GATA4: variants seen among roughly 807,000 people sequenced by gnomAD.
GATA4 encodes GATA binding protein 4.
Under a neutral mutation model 37.9 loss-of-function variants are expected in GATA4, and 7 were observed. That is an observed-to-expected ratio of 0.18 (90% CI 0.11 to 0.35). GATA4 has a LOEUF of 0.35. Ranked by LOEUF, GATA4 falls within the 10% of genes least tolerant of loss-of-function variation. The probability of loss-of-function intolerance (pLI) is 1.00; values close to 1 mark genes in which losing one functional copy is unlikely to be tolerated. For synonymous variants in GATA4, 372 were observed against 292.6 expected (o/e 1.27, Z -2.77); for missense variants, 647 against 653.0 (o/e 0.99, Z 0.10).
At chr8:11,690,177 C>T (rs149945887), upstream of GATA4, among the ~76,000 whole-genome samples, 200 of 152,318 alleles carry the variant, frequency 1.3e-3, 3 homozygotes, top group Middle Eastern at 0.017. Context: ...AGAGGTGCCA[C>T]GTGGCATCTT....
chr8:11,714,610 G>T (rs1009346014), intron 2 of GATA4, among the ~76,000 whole-genome samples: 8 of 152,174 alleles, frequency 5.3e-5, no homozygotes, highest in African/African-American at 9.7e-5. Flanking sequence ...AATAAGAAAG[G>T]TGTGTTGGGG....
chr8:11,688,822 C>T (rs923172481), upstream of GATA4, among the ~76,000 whole-genome samples: 2 of 152,134 alleles, frequency 1.3e-5, no homozygotes, highest in Non-Finnish European at 2.9e-5. Context: ...ACCTAATCCC[C>T]AAATCCCCTG....
chr8:11,695,967 A>C (rs957689983), intron 1 of GATA4, among the ~76,000 whole-genome samples: 1 of 152,196 alleles, frequency 6.6e-6, no homozygotes, highest in Non-Finnish European at 1.5e-5. Flanking sequence ...TTTTGTATAG[A>C]AATCACTTTT....
At position 11,708,681 on chromosome 8, in the gene GATA4, T is replaced by C. The variant is rs1208332756; in HGVS notation, c.369T>C (p.Ala123=). 1.6e-5 allele frequency: 21 copies of C among 1,280,134 alleles called. No homozygotes were observed. Among genetic ancestry groups the C allele is most frequent in the Non-Finnish European group, 2.1e-5 (21 of 1,017,788 alleles). 79.3% of individuals were successfully genotyped at this position (1,280,134 alleles called of 1,614,324 possible). A position where few individuals can be genotyped will look rare whatever the true frequency, so the allele number is the denominator to read the frequency against. The part of the protein sequence containing the change: ...TTGSLAAAAA[A]AAAREAAAYS... The stretch of plus-strand genomic sequence containing the variant: ...GGTCCCTGGCGGCCGCCGCCGCCGC[T>C]GCCGCGGCCCGGGAAGCTGCGGCCT... The change falls in exon 2 of 7, where the codon GCT becomes GCC. Residue 123 remains alanine (A), a synonymous_variant. Transcript: ENST00000532059. The surrounding 1 kb of genome is among the most constrained non-coding windows in gnomAD (Gnocchi z 6.7).
intron 2 of GATA4, among the ~76,000 whole-genome samples, chr8:11,737,128 T>G (rs1467394902): frequency 6.6e-6 from 1 of 151,474 alleles, no homozygotes; most frequent in African/African-American, 2.5e-5. Context: ...AACCTCGGTT[T>G]GATTAAGTAA....
chr8:11,677,258 C>T (rs563021594), intron 1 of GATA4, among the ~76,000 whole-genome samples: 2 of 152,168 alleles, frequency 1.3e-5, no homozygotes, highest in Admixed American at 6.5e-5. Flanking sequence ...GAGGCCTTTG[C>T]GGACAGGAAG....
rs1554488918 is a variant in GATA4 at position 11,709,580 on chromosome 8, G to GGGGGCGGT, written c.616+656_616+657insCGGTGGGG. Among the ~76,000 whole-genome samples, 1 of 151,954 alleles carries GGGGGCGGT rather than the reference G, an allele frequency of 6.6e-6. No homozygotes were observed. The highest frequency in any genetic ancestry group is 1.5e-5 in the Non-Finnish European group (1 of 67,886). On this transcript the variant is annotated intron_variant, in intron 2 of 6. Transcript: ENST00000532059. The surrounding 1 kb of genome is among the most constrained non-coding windows in gnomAD (Gnocchi z 4.3). ...TGGGCGCATCATGCGGGCAGCGGGGGGGGGGGCGCACACGCCCGGTCAGTG... is the reference window on the plus strand; with the variant it reads ...TGGGCGCATCATGCGGGCAGCGGGGGGGGGCGGTGGGGGGCGCACACGCCCGGTCAGTG...
Position 11,758,508 on chromosome 8 carries a change from G to C in GATA4, c.*33G>C, listed in dbSNP as rs755856540. The C allele has an allele frequency of 2.5e-6, 4 of 1,610,638 alleles. No individual in the cohort carries two copies. In the East Asian group the frequency reaches 6.7e-5, roughly 27 times the overall value. ...TCTTCCCTCCTCAAATTCCTGCACG[G>C]ACCTGGGACTTGGAGGATAGCAAAG... On this transcript the variant is annotated 3_prime_UTR_variant, in exon 7 of 7. Coordinates refer to ENST00000532059, the MANE Select transcript of GATA4 (RefSeq NM_001308093.3).
At chr8:11,755,228 G>A in intron 5 of GATA4, 95 bp downstream of exon 5, 2 of 983,734 alleles carry the variant, frequency 2.0e-6, no homozygotes, top group Non-Finnish European at 3.2e-6. Flanking sequence ...GCCAGCCCGG[G>A]CCGCCAGGGG....
intron 2 of GATA4, among the ~76,000 whole-genome samples, chr8:11,740,714 G>A (rs1280973326): frequency 6.6e-6 from 1 of 151,378 alleles, no homozygotes; most frequent in African/African-American, 2.4e-5. Context: ...TTTCAGTATT[G>A]CCTTCTTTTC....
At chr8:11,746,445 A>T (rs1338384865) in intron 2 of GATA4, among the ~76,000 whole-genome samples, 1 of 152,132 alleles carries the variant, frequency 6.6e-6, no homozygotes, top group African/African-American at 2.4e-5. Flanking sequence ...TGATCTTACA[A>T]GGCCTCTATG....
At chr8:11,732,121 C>T (rs1002894444) in intron 2 of GATA4, among the ~76,000 whole-genome samples, 3 of 152,346 alleles carry the variant, frequency 2.0e-5, no homozygotes, top group Admixed American at 6.5e-5. Flanking sequence ...TTTTAAGTCA[C>T]ATTCATAAAA....
intron 2 of GATA4, among the ~76,000 whole-genome samples, chr8:11,721,635 G>C (rs1422895074): frequency 6.6e-6 from 1 of 152,068 alleles, no homozygotes; most frequent in Non-Finnish European, 1.5e-5. Context: ...TGTGTGGTTT[G>C]AGTTCAAATT....
upstream of GATA4, among the ~76,000 whole-genome samples, chr8:11,702,182 T>A (rs1799699159): frequency 6.6e-6 from 1 of 152,118 alleles, no homozygotes; most frequent in South Asian, 2.1e-4. This position sits in a 1 kb window ranked among gnomAD's most constrained non-coding sequence, Gnocchi z 4.4. Flanking sequence ...GCCTGTGTCC[T>A]TGGCTGTGGG....
intron 2 of GATA4, among the ~76,000 whole-genome samples, chr8:11,747,230 A>C (rs1386638975): frequency 6.6e-6 from 1 of 152,238 alleles, no homozygotes; most frequent in East Asian, 1.9e-4. Context: ...ATGAAGTCAG[A>C]GAGACTTCTG....
rs765563070 is a variant in GATA4, at chr8:11,749,330, G to A, written c.786+245G>A. ...GAGGCTCAGAAAAGCTAGTGGCCTT[G>A]CCCACAGCCACTCAGGTACTGAGTC... On this transcript the variant is annotated intron_variant, in intron 3 of 6. Coordinates refer to ENST00000532059, the MANE Select transcript of GATA4 (RefSeq NM_001308093.3). The surrounding 1 kb of genome is among the most constrained non-coding windows in gnomAD (Gnocchi z 4.6). 7.9e-5 allele frequency among the ~76,000 whole-genome samples: 12 copies of A among 152,202 alleles called. No homozygotes were observed. The highest frequency in any genetic ancestry group is 1.2e-4 in the Non-Finnish European group (8 of 68,036).
rs751717952 is a variant in GATA4, at chr8:11,750,047, G to A, written c.787-64G>A. The A allele has an allele frequency of 1.3e-4, 217 of 1,611,652 alleles. 1 individual carries two copies. Among genetic ancestry groups the A allele is most frequent in the Middle Eastern group, 1.7e-4 (1 of 5,860 alleles). On this transcript the variant is annotated intron_variant, in intron 3 of 6. Transcript: ENST00000532059. Reference sequence around the variant, plus strand: ...GGGAGGCCCAGCTCCGCAGCCACACGCGAGGTGGAAGGGCAGTGCACACCT... The same window carrying A: ...GGGAGGCCCAGCTCCGCAGCCACACACGAGGTGGAAGGGCAGTGCACACCT...
chr8:11,750,009 CTG>C, intron 3 of GATA4, 100 bp from the exon 4 acceptor site: 1 of 1,549,794 alleles, frequency 6.5e-7, no homozygotes, highest in Non-Finnish European at 8.8e-7. Context: ...GGGCCCAGCC[CTG>C]CCTCCCGTTA....
intron 2 of GATA4, 105 bp from the exon 3 acceptor site, chr8:11,748,811 G>A (rs1802151269): frequency 1.5e-6 from 2 of 1,340,070 alleles, no homozygotes; most frequent in Non-Finnish European, 1.1e-6. Context: ...TCTTTCCAAG[G>A]AAAGGGCATT....
Sources: gnomAD v4.1 joint callset for allele counts (sites outside exome capture counted in the v4.1 genomes callset) on GRCh38, gnomAD v4.1.1 for gene constraint, Gnocchi (gnomAD v3.1) non-coding constraint, MANE v1.5 for transcripts, NCBI Gene and HGNC (gene_info 2026-07-23, HGNC 2026-07-21) for gene names.